Variants in DNAJC25 observed in about 807,000 individuals in gnomAD.
DNAJC25 encodes DnaJ heat shock protein family (Hsp40) member C25.
A neutral mutation model predicts 42.1 loss-of-function variants in DNAJC25; 26 were observed. The observed-to-expected ratio is 0.62, with a 90% CI of 0.45 to 0.86. The LOEUF (loss-of-function observed/expected upper bound fraction) is 0.86, where lower values mean the gene tolerates loss of function less well. Ranked by LOEUF, DNAJC25 falls within the 40% of genes least tolerant of loss-of-function variation. DNAJC25 has a pLI of 0.00. For synonymous variants in DNAJC25, 189 were observed against 179.9 expected, an observed-to-expected ratio of 1.05 and a Z score of -0.40; for missense variants, 404 against 459.4, an observed-to-expected ratio of 0.88 and a Z score of 1.10.
In DNAJC25 at chr9:111,631,584, G is replaced by A. The variant is rs1336595431; in HGVS notation, c.177G>A (p.Ser59=). Residue 59 remains serine, a synonymous_variant, in exon 1 of 4, where the codon TCG becomes TCA. Transcript: ENST00000313525. ...DCYEVLGVSR[S]AGKAEIARAY... The stretch of plus-strand genomic sequence containing the variant: ...ACGAGGTGCTGGGCGTGAGCCGCTC[G>A]GCGGGCAAGGCGGAGATCGCGCGGG... 6.9e-7 allele frequency: 1 copy of A among 1,459,170 alleles called. No homozygotes were observed. Among genetic ancestry groups the A allele is most frequent in the East Asian group, 2.8e-5 (1 of 35,544 alleles). 90.4% of individuals were successfully genotyped at this position (1,459,170 alleles called of 1,614,324 possible).
intron 2 of DNAJC25, among the ~76,000 whole-genome samples, chr9:111,647,529 G>A (rs10817204): frequency 0.27 from 41,547 of 152,032 alleles, 6,211 homozygotes; most frequent in East Asian, 0.44. Flanking sequence ...AATAGCCAGA[G>A]TGAACGTCAG....
Position 111,653,377 on chromosome 9 carries a change from C to A in DNAJC25, c.*155C>A. On this transcript the variant is annotated 3_prime_UTR_variant, in exon 4 of 4. Transcript: ENST00000313525. ...AATAATGTCAAAATTTAAACCTTCC[C>A]TTAAAACTTTATACATAAGACATTT... 1.2e-6 allele frequency: 1 copy of A among 852,564 alleles called. No homozygotes were observed. Among genetic ancestry groups the A allele is most frequent in the Non-Finnish European group, 1.6e-6 (1 of 634,048 alleles). The allele number at this position is 852,564 out of a possible 1,614,324, so 52.8% of individuals were successfully genotyped here.
intron 3 of DNAJC25, among the ~76,000 whole-genome samples, 185 bp from the exon 4 acceptor site, chr9:111,652,915 C>CAAATAAAT (rs71861596): frequency 2.0e-5 from 3 of 151,372 alleles, no homozygotes; most frequent in Admixed American, 1.3e-4. Flanking sequence ...TGGTAAATTG[C>CAAATAAAT]AAATAAATAA....
Position 111,653,944 on chromosome 9 carries a change from T to G in DNAJC25, c.*722T>G, listed in dbSNP as rs374022490. 2.0e-4 allele frequency: 31 copies of G among 152,722 alleles called. No individual in the cohort carries two copies. The highest frequency in any genetic ancestry group is 7.2e-4 in the African/African-American group (30 of 41,570). 9.5% of individuals were successfully genotyped at this position (152,722 alleles called of 1,614,324 possible). ...GTCTTATTATAGGACTATAACTGTATTCTCAACATTTCTCCAGAAAGGACC... is the reference window on the plus strand; with the variant it reads ...GTCTTATTATAGGACTATAACTGTAGTCTCAACATTTCTCCAGAAAGGACC... On this transcript the variant is annotated 3_prime_UTR_variant, in exon 4 of 4. Coordinates refer to ENST00000313525, the MANE Select transcript of DNAJC25 (RefSeq NM_001015882.3).
Position 111,653,412 on chromosome 9 carries a change from C to A in DNAJC25, c.*190C>A. The A allele has an allele frequency of 1.9e-6, 1 of 538,852 alleles. No homozygotes were observed. The highest frequency in any genetic ancestry group is 2.7e-6 in the Non-Finnish European group (1 of 363,944). 33.4% of individuals were successfully genotyped at this position (538,852 alleles called of 1,614,324 possible). A position where few individuals can be genotyped will look rare whatever the true frequency, so the allele number is the denominator to read the frequency against. ...TATACATAAGACATTTATGATTGTTCAATTTTTATAATCTATTTGTGGATT... is the reference window on the plus strand; with the variant it reads ...TATACATAAGACATTTATGATTGTTAAATTTTTATAATCTATTTGTGGATT... On this transcript the variant is annotated 3_prime_UTR_variant, in exon 4 of 4. Transcript: ENST00000313525.
intron 2 of DNAJC25, among the ~76,000 whole-genome samples, chr9:111,648,989 A>G (rs1830607739): frequency 6.6e-6 from 1 of 152,198 alleles, no homozygotes; most frequent in Non-Finnish European, 1.5e-5. Context: ...AGGAAAAGAG[A>G]TGGGAATGAA....
At chr9:111,632,200 A>T (rs552512272) in intron 1 of DNAJC25, among the ~76,000 whole-genome samples, 1 of 152,342 alleles carries the variant, frequency 6.6e-6, no homozygotes, top group Admixed American at 6.5e-5. Context: ...GGGTTTAAGG[A>T]ACTAAGAAAA....
At chr9:111,645,390 GAT>G (rs1830554145) in intron 1 of DNAJC25, among the ~76,000 whole-genome samples, 1 of 151,948 alleles carries the variant, frequency 6.6e-6, no homozygotes, top group African/African-American at 2.4e-5. Context: ...GAGTAGCTGG[GAT>G]TATAAGCACA....
rs762701059 is a variant in DNAJC25 at position 111,647,256 on chromosome 9, T to G, written c.486T>G (p.Phe162Leu). 16 of 1,614,122 alleles carry G rather than the reference T, an allele frequency of 9.9e-6. No individual in the cohort carries two copies. Among genetic ancestry groups the G allele is most frequent in the Middle Eastern group, 1.6e-4 (1 of 6,062 alleles). Residue 162 changes from phenylalanine to leucine, a missense_variant, in exon 2 of 4, where the codon TTT becomes TTG. By Grantham distance (22) the Phe-to-Leu change is conservative. Coordinates refer to ENST00000313525, the MANE Select transcript of DNAJC25 (RefSeq NM_001015882.3). ...TCAGCGTGTGTGCTATTTCGGTGTT[T>G]CAGGTATGTATCAATGGATATTTTT... is the stretch of plus-strand genomic sequence containing the variant. ...ILVSVCAISV[F>L]QFFSWWNSYN...
chr9:111,641,647 G>A (rs1830469811), intron 1 of DNAJC25, among the ~76,000 whole-genome samples: 1 of 133,190 alleles, frequency 7.5e-6, no homozygotes, highest in Non-Finnish European at 1.6e-5. Context: ...CCCCCCGCCC[G>A]GCCAGCCGCC....
Position 111,631,465 on chromosome 9 carries a change from T to C in DNAJC25, c.58T>C (p.Trp20Arg), listed in dbSNP as rs959766272. 7.6e-7 allele frequency: 1 copy of C among 1,314,660 alleles called. No homozygotes were observed. Among genetic ancestry groups the C allele is most frequent in the South Asian group, 2.2e-5 (1 of 44,480 alleles). The allele number at this position is 1,314,660 out of a possible 1,614,324, so 81.4% of individuals were successfully genotyped here. A position where few individuals can be genotyped will look rare whatever the true frequency, so the allele number is the denominator to read the frequency against. Residue 20 changes from tryptophan to arginine, a missense_variant, in exon 1 of 4, where the codon TGG (tryptophan) becomes CGG (arginine). By Grantham distance (101) the Trp-to-Arg change is moderately radical. Transcript: ENST00000313525. ...WGAGAAGRRW[W>R]MLLAPLLPAL... ...AGCCGGGGCTGCCGGCCGGCGCTGG[T>C]GGATGCTGCTGGCGCCCCTGCTGCC...
intron 1 of DNAJC25, among the ~76,000 whole-genome samples, chr9:111,634,722 T>G (rs895289919): frequency 7.4e-6 from 1 of 135,620 alleles, no homozygotes; most frequent in South Asian, 2.2e-4. Flanking sequence ...TTTGAGGGGG[T>G]TTTGTTTTTT....
chr9:111,642,698 G>C (rs568983651), intron 1 of DNAJC25: 1 of 221,794 alleles, frequency 4.5e-6, no homozygotes, highest in African/African-American at 2.3e-5. Context: ...TATGTACTGA[G>C]ATCAAACAAT....
intron 1 of DNAJC25, among the ~76,000 whole-genome samples, chr9:111,635,609 GAAC>G (rs1018876206): frequency 6.6e-6 from 1 of 152,158 alleles, no homozygotes; most frequent in African/African-American, 2.4e-5. Flanking sequence ...GCAGATGAGA[GAAC>G]AACTTGAAAG....
At position 111,631,562 on chromosome 9, in the gene DNAJC25, A is replaced by G; in HGVS notation, c.155A>G (p.Glu52Gly). The change falls in exon 1 of 4, where the codon GAG (glutamate) becomes GGG (glycine). Residue 52 changes from glutamate to glycine, a missense_variant. Transcript: ENST00000313525. ...TACTGCGGCACGCGGGACTGCTACG[A>G]GGTGCTGGGCGTGAGCCGCTCGGCG... Reference protein sequence around the residue: ...GLYCGTRDCYEVLGVSRSAGK... With the variant: ...GLYCGTRDCYGVLGVSRSAGK... The G allele has an allele frequency of 1.4e-6, 2 of 1,426,272 alleles. No homozygotes were observed. The highest frequency in any genetic ancestry group is 1.8e-6 in the Non-Finnish European group (2 of 1,100,342). 88.4% of individuals were successfully genotyped at this position (1,426,272 alleles called of 1,614,324 possible).
At chr9:111,650,815 T>C (rs1830647436) in intron 3 of DNAJC25, among the ~76,000 whole-genome samples, 1 of 152,194 alleles carries the variant, frequency 6.6e-6, no homozygotes, top group Non-Finnish European at 1.5e-5. Flanking sequence ...TTAAGAAGTC[T>C]GAGATACATT....
chr9:111,642,761 G>T, intron 1 of DNAJC25: 1 of 440,374 alleles, frequency 2.3e-6, no homozygotes, highest in Non-Finnish European at 4.8e-6. Flanking sequence ...TCTGGGGAGG[G>T]GGGATGACCC....
At position 111,631,385 on chromosome 9, in the gene DNAJC25, C is replaced by A; in HGVS notation, c.-23C>A. ...GAGTGCTGCAGAATCGCTGGGGTGG[C>A]AGAGCCGCCAGCGAGGCTGGGGATG... On this transcript the variant is annotated 5_prime_UTR_variant, in exon 1 of 4. Transcript: ENST00000313525. The A allele has an allele frequency of 7.1e-6, 9 of 1,273,432 alleles. No homozygotes were observed. The highest frequency in any genetic ancestry group is 8.9e-6 in the Non-Finnish European group (9 of 1,013,882). 78.9% of individuals were successfully genotyped at this position (1,273,432 alleles called of 1,614,324 possible).
At chr9:111,648,062 C>G (rs536345610) in intron 2 of DNAJC25, among the ~76,000 whole-genome samples, 1 of 152,334 alleles carries the variant, frequency 6.6e-6, no homozygotes, top group African/African-American at 2.4e-5. Flanking sequence ...CAGGCGTGAG[C>G]CACTGTGCCC....
Sources: allele counts gnomAD v4.1 joint callset (sites outside exome capture counted in the v4.1 genomes callset), GRCh38; gene constraint gnomAD v4.1.1; transcripts MANE v1.5; gene names NCBI Gene and HGNC (gene_info 2026-07-23, HGNC 2026-07-21).